LRRC1: variants seen among roughly 807,000 people sequenced by gnomAD.
LRRC1 encodes leucine-rich repeat-containing protein 1.
In LRRC1, 28 loss-of-function variants were observed where a neutral mutation model predicts 69.9. That is an observed-to-expected ratio of 0.40 (90% CI 0.30 to 0.55). The LOEUF is 0.55. Among genes scored for constraint, LRRC1 ranks in the 20% least tolerant of loss-of-function variants. LRRC1 has a pLI of 0.47. For synonymous variants in LRRC1, 236 were observed against 240.2 expected, an observed-to-expected ratio of 0.98 and a Z score of 0.16; for missense variants, 498 against 609.0, an observed-to-expected ratio of 0.82 and a Z score of 1.92.
At chr6:53,897,217 C>G in intron 6 of LRRC1, 68 bp from the exon 7 acceptor site, 2 of 1,063,896 alleles carry the variant, frequency 1.9e-6, no homozygotes, top group Non-Finnish European at 2.8e-6. Context: ...AATTCAGTTT[C>G]TTTCTTTCTT....
intron 2 of LRRC1, among the ~76,000 whole-genome samples, chr6:53,867,798 T>A (rs184240740): frequency 1.1e-4 from 16 of 151,832 alleles, no homozygotes; most frequent in Admixed American, 1.0e-3. Flanking sequence ...CTACAAAACA[T>A]TTTAAAATTA....
intron 10 of LRRC1, among the ~76,000 whole-genome samples, chr6:53,908,811 A>G (rs1324386473): frequency 6.6e-6 from 1 of 152,214 alleles, no homozygotes; most frequent in Admixed American, 6.5e-5. Flanking sequence ...AGAAGTAGAC[A>G]AAAAGAAACT....
chr6:53,817,883 AT>A (rs1429386125), intron 1 of LRRC1, among the ~76,000 whole-genome samples: 1 of 152,204 alleles, frequency 6.6e-6, no homozygotes, highest in Non-Finnish European at 1.5e-5. Flanking sequence ...CATCCTATGC[AT>A]TTTAAGTTCA....
intron 3 of LRRC1, among the ~76,000 whole-genome samples, chr6:53,880,291 C>A (rs1308836473): frequency 1.3e-5 from 2 of 152,038 alleles, no homozygotes; most frequent in East Asian, 1.9e-4. Flanking sequence ...ATCTAGTAAG[C>A]TATACCCTAA....
At chr6:53,895,418 C>A (rs1562064054) in intron 4 of LRRC1, among the ~76,000 whole-genome samples, 1 of 151,992 alleles carries the variant, frequency 6.6e-6, no homozygotes, top group Non-Finnish European at 1.5e-5. Flanking sequence ...GTTATAAAAC[C>A]AGCCTTGTTA....
intron 1 of LRRC1, among the ~76,000 whole-genome samples, chr6:53,810,655 C>G (rs917718467): frequency 6.6e-6 from 1 of 152,112 alleles, no homozygotes; most frequent in African/African-American, 2.4e-5. Context: ...GACATTTTCC[C>G]TAGATTTTAT....
chr6:53,810,022 T>A (rs995935369), intron 1 of LRRC1, among the ~76,000 whole-genome samples: 2 of 152,226 alleles, frequency 1.3e-5, no homozygotes, highest in Non-Finnish European at 2.9e-5. Context: ...CTGGCTTTTT[T>A]ATTTTATTTT....
At chr6:53,900,053 T>TTTTTTCTTTTC (rs1768007874) in intron 8 of LRRC1, among the ~76,000 whole-genome samples, 162 bp downstream of exon 8, 1 of 116,832 alleles carries the variant, frequency 8.6e-6, no homozygotes, top group Admixed American at 9.6e-5. Context: ...TTTTTTTTTT[T>TTTTTTCTTTTC]CTGAGATGGA....
chr6:53,884,618 T>G (rs1406620758), intron 4 of LRRC1, among the ~76,000 whole-genome samples: 1 of 152,142 alleles, frequency 6.6e-6, no homozygotes, highest in African/African-American at 2.4e-5. Flanking sequence ...ATTCCCTTAT[T>G]ACTCTCCCTT....
chr6:53,806,442 T>C (rs781064521), intron 1 of LRRC1, among the ~76,000 whole-genome samples: 2 of 152,076 alleles, frequency 1.3e-5, no homozygotes, highest in Non-Finnish European at 1.5e-5. Flanking sequence ...GGTGGCACCA[T>C]GATGGAGTGG....
At chr6:53,814,567 T>TC (rs2127406743) in intron 1 of LRRC1, among the ~76,000 whole-genome samples, 1 of 152,324 alleles carries the variant, frequency 6.6e-6, no homozygotes, top group East Asian at 1.9e-4. Context: ...CAGCAGTGAG[T>TC]CCCCAAGGTT....
At chr6:53,914,947 A>T (rs1301250846) in intron 11 of LRRC1, among the ~76,000 whole-genome samples, 1 of 152,256 alleles carries the variant, frequency 6.6e-6, no homozygotes, top group Admixed American at 6.5e-5. Context: ...TTGTCCCATC[A>T]GAGTGCCTGG....
chr6:53,895,562 C>G (rs867784385), intron 4 of LRRC1, among the ~76,000 whole-genome samples: 1 of 145,312 alleles, frequency 6.9e-6, no homozygotes, highest in African/African-American at 2.4e-5. Flanking sequence ...CTGGATGTTA[C>G]TATGGTGATA....
intron 1 of LRRC1, among the ~76,000 whole-genome samples, chr6:53,821,512 G>T (rs1451818830): frequency 6.6e-6 from 1 of 152,160 alleles, no homozygotes; most frequent in Non-Finnish European, 1.5e-5. Flanking sequence ...AAGTCACCTG[G>T]CTCAGGGACT....
At chr6:53,840,199 C>T (rs1018663403) in intron 1 of LRRC1, among the ~76,000 whole-genome samples, 10 of 152,116 alleles carry the variant, frequency 6.6e-5, no homozygotes, top group South Asian at 2.1e-4. Context: ...TGATACCATG[C>T]GTGACTGAAA....
intron 1 of LRRC1, among the ~76,000 whole-genome samples, chr6:53,813,199 G>A (rs1345541669): frequency 6.6e-6 from 1 of 152,174 alleles, no homozygotes; most frequent in Non-Finnish European, 1.5e-5. Context: ...CAGGATACTG[G>A]AGTTGAAGAT....
intron 10 of LRRC1, among the ~76,000 whole-genome samples, 185 bp from the exon 11 acceptor site, chr6:53,913,669 A>G (rs1194469014): frequency 6.6e-6 from 1 of 152,216 alleles, no homozygotes; most frequent in Non-Finnish European, 1.5e-5. Context: ...AGAGATTTTT[A>G]TGAACATATG....
chr6:53,843,382 G>C (rs79468789), intron 2 of LRRC1, among the ~76,000 whole-genome samples: 28,413 of 152,112 alleles, frequency 0.19, 2,911 homozygotes, highest in Middle Eastern at 0.32. Context: ...ATCAGTACTT[G>C]GTTGGAAATA....
chr6:53,917,793 T>C (rs924246927), intron 11 of LRRC1, among the ~76,000 whole-genome samples: 1 of 152,240 alleles, frequency 6.6e-6, no homozygotes, highest in Admixed American at 6.5e-5. Flanking sequence ...GAAATTACAT[T>C]TGTGTTCAAT....
Sources: gnomAD v4.1 joint callset for allele counts (sites outside exome capture counted in the v4.1 genomes callset) on GRCh38, gnomAD v4.1.1 for gene constraint, MANE v1.5 for transcripts, NCBI Gene and HGNC (gene_info 2026-07-23, HGNC 2026-07-21) for gene names.